The following IMMP2L variants were observed in gnomAD, a reference collection of about 807,000 sequenced individuals.
The protein encoded by IMMP2L is inner mitochondrial membrane peptidase subunit 2, also known as mitochondrial inner membrane protease subunit 2.
A neutral mutation model predicts 19.3 loss-of-function variants in IMMP2L; 18 were observed. The observed-to-expected ratio is 0.93, with a 90% CI of 0.64 to 1.38. The LOEUF is 1.38. IMMP2L is among the 40% of genes most tolerant of loss of function. The pLI is 0.00. For missense variants in IMMP2L, 233 were observed against 218.2 expected (o/e 1.07, Z -0.43); for synonymous variants, 76 against 73.0 (o/e 1.04, Z -0.21).
intron 4 of IMMP2L, among the ~76,000 whole-genome samples, chr7:110,896,049 T>C (rs1299074062): frequency 3.3e-5 from 5 of 152,150 alleles, no homozygotes; most frequent in Non-Finnish European, 7.4e-5. Context: ...CTTGAACTCC[T>C]AGCCTCTAAT....
intron 3 of IMMP2L, among the ~76,000 whole-genome samples, chr7:111,389,280 C>T (rs1044771380): frequency 2.0e-5 from 3 of 151,914 alleles, no homozygotes; most frequent in Admixed American, 2.0e-4. Context: ...AATGAAGATT[C>T]CAGATTGAAG....
At chr7:111,554,174 T>A (rs1790991191) in intron 1 of IMMP2L, among the ~76,000 whole-genome samples, 2 of 152,084 alleles carry the variant, frequency 1.3e-5, no homozygotes, top group African/African-American at 4.8e-5. Flanking sequence ...CTGGACCTCA[T>A]CCCCCAGATA....
At chr7:110,934,283 T>C (rs1237014218) in intron 4 of IMMP2L, among the ~76,000 whole-genome samples, 1 of 152,168 alleles carries the variant, frequency 6.6e-6, no homozygotes, top group African/African-American at 2.4e-5. Flanking sequence ...TTAGAATAAG[T>C]GTGATGTGGT....
At chr7:111,500,987 A>G in intron 2 of IMMP2L, among the ~76,000 whole-genome samples, 1 of 152,128 alleles carries the variant, frequency 6.6e-6, no homozygotes. Flanking sequence ...GACTTTGACG[A>G]GTTGAGAGAA....
chr7:110,942,775 G>C (rs1325679245), intron 4 of IMMP2L, among the ~76,000 whole-genome samples: 5 of 151,700 alleles, frequency 3.3e-5, no homozygotes, highest in Non-Finnish European at 7.4e-5. Flanking sequence ...AAATTAAGTA[G>C]AAAGAAGGCT....
intron 5 of IMMP2L, among the ~76,000 whole-genome samples, chr7:110,823,073 G>A (rs181343259): frequency 6.6e-6 from 1 of 152,160 alleles, no homozygotes; most frequent in Admixed American, 6.6e-5. Context: ...GAACATGACT[G>A]ATGGAGAAAT....
intron 4 of IMMP2L, among the ~76,000 whole-genome samples, chr7:110,942,567 T>G (rs1816844780): frequency 6.6e-6 from 1 of 151,832 alleles, no homozygotes; most frequent in Non-Finnish European, 1.5e-5. Flanking sequence ...AATATATATT[T>G]AAAAGGCAAG....
At chr7:111,329,985 A>T (rs1825716159) in intron 3 of IMMP2L, among the ~76,000 whole-genome samples, 1 of 151,900 alleles carries the variant, frequency 6.6e-6, no homozygotes, top group African/African-American at 2.4e-5. Context: ...CACTGGCAAG[A>T]ACAGTGGCAA....
At chr7:111,556,151 C>A (rs1432093275) in intron 1 of IMMP2L, among the ~76,000 whole-genome samples, 3 of 150,696 alleles carry the variant, frequency 2.0e-5, no homozygotes, top group Non-Finnish European at 4.4e-5. Context: ...AAACAGTGAT[C>A]CCAGGGGAGG....
In IMMP2L at chr7:111,556,014, G is replaced by GTATATATATATATATATATA; in HGVS notation, c.-3+5836_-3+5837insTATATATATATATATATATA. Among the ~76,000 whole-genome samples, 5 of 114,602 alleles carry GTATATATATATATATATATA rather than the reference G, an allele frequency of 4.4e-5. 1 individual carries two copies. In the South Asian group the frequency reaches 1.2e-3, roughly 28 times the overall value. 75.2% of individuals were successfully genotyped at this position (114,602 alleles called of 152,430 possible). On this transcript the variant is annotated intron_variant, in intron 1 of 5. Coordinates refer to ENST00000405709, the MANE Select transcript of IMMP2L (RefSeq NM_032549.4). ...CCAATTAGCCATCCCTCTTCTGTGTGCATGTATATATATATATATATACAT... is the reference window on the plus strand; with the variant it reads ...CCAATTAGCCATCCCTCTTCTGTGTGTATATATATATATATATATACATGTATATATATATATATATACAT...
At chr7:110,807,701 A>T (rs1000565012) in intron 5 of IMMP2L, among the ~76,000 whole-genome samples, 11 of 152,078 alleles carry the variant, frequency 7.2e-5, no homozygotes, top group African/African-American at 2.7e-4. Context: ...AAGTCTTTAA[A>T]TCTATCCTTT....
chr7:110,696,489 C>T (rs1274850589), intron 5 of IMMP2L, among the ~76,000 whole-genome samples: 5 of 136,032 alleles, frequency 3.7e-5, no homozygotes, highest in South Asian at 2.3e-4. Context: ...TGTAATGGTA[C>T]GATCTCGGCC....
intron 3 of IMMP2L, among the ~76,000 whole-genome samples, chr7:111,078,569 A>G (rs1795609122): frequency 6.6e-6 from 1 of 152,108 alleles, no homozygotes; most frequent in African/African-American, 2.4e-5. Flanking sequence ...AATATGGAAT[A>G]TTTTCTACTA....
At chr7:110,967,468 T>C (rs1448320337) in intron 3 of IMMP2L, among the ~76,000 whole-genome samples, 1 of 152,046 alleles carries the variant, frequency 6.6e-6, no homozygotes, top group Non-Finnish European at 1.5e-5. Flanking sequence ...CTCCCATTTA[T>C]GATAAAATTT....
chr7:111,137,023 A>G (rs1303191869), intron 3 of IMMP2L, among the ~76,000 whole-genome samples: 1 of 152,144 alleles, frequency 6.6e-6, no homozygotes, highest in Non-Finnish European at 1.5e-5. Context: ...TGCTGTTATT[A>G]TCATAACAGC....
intron 2 of IMMP2L, among the ~76,000 whole-genome samples, chr7:111,496,917 G>A (rs745576421): frequency 6.6e-6 from 1 of 152,130 alleles, no homozygotes; most frequent in South Asian, 2.1e-4. Flanking sequence ...TAGATAGATA[G>A]ATAGATAGAC....
chr7:111,040,855 CTT>C (rs1791827301), intron 3 of IMMP2L, among the ~76,000 whole-genome samples: 2 of 151,226 alleles, frequency 1.3e-5, no homozygotes, highest in African/African-American at 4.8e-5. Flanking sequence ...AAGATTTTAA[CTT>C]GGGCAATAAA....
intron 5 of IMMP2L, among the ~76,000 whole-genome samples, chr7:110,702,450 G>A (rs1794350274): frequency 6.6e-6 from 1 of 152,122 alleles, no homozygotes; most frequent in South Asian, 2.1e-4. Flanking sequence ...CATTAACCAT[G>A]AATATTAATA....
At chr7:111,224,060 C>A (rs1357178902) in intron 3 of IMMP2L, among the ~76,000 whole-genome samples, 2 of 152,060 alleles carry the variant, frequency 1.3e-5, no homozygotes, top group African/African-American at 2.4e-5. Context: ...TTCTGTTCTG[C>A]CACTCACTGT....
Sources: gnomAD v4.1 joint callset for allele counts (sites outside exome capture counted in the v4.1 genomes callset) on GRCh38, gnomAD v4.1.1 for gene constraint, MANE v1.5 for transcripts, NCBI Gene and HGNC (gene_info 2026-07-23, HGNC 2026-07-21) for gene names.